C1orf21: variants seen among roughly 807,000 people sequenced by gnomAD.
C1orf21 encodes the protein chromosome 1 open reading frame 21, also known as uncharacterized protein C1orf21.
Under a neutral mutation model 18.7 loss-of-function variants are expected in C1orf21, and 3 were observed. That is an observed-to-expected ratio of 0.16 (90% CI 0.07 to 0.42). C1orf21 has a LOEUF of 0.42. Among genes scored for constraint, C1orf21 ranks in the 10% least tolerant of loss-of-function variants. The pLI, the probability that C1orf21 is intolerant of heterozygous loss-of-function variation, is 0.99. For missense variants in C1orf21, 104 were observed against 143.6 expected (o/e 0.72, Z 1.41); for synonymous variants, 41 against 46.4 (o/e 0.88, Z 0.47).
intron 5 of C1orf21, among the ~76,000 whole-genome samples, chr1:184,609,311 C>G (rs1659693907): frequency 1.4e-5 from 2 of 143,346 alleles, no homozygotes; most frequent in South Asian, 4.4e-4. Flanking sequence ...CCTCATCTAA[C>G]TCTTTCTGTA....
intron 1 of C1orf21, among the ~76,000 whole-genome samples, chr1:184,453,294 G>A (rs1014804055): frequency 6.6e-6 from 1 of 152,180 alleles, no homozygotes; most frequent in African/African-American, 2.4e-5. Flanking sequence ...GCGGTCCCAG[G>A]TAAATGCAGC....
chr1:184,548,992 A>T (rs1351205565), intron 3 of C1orf21, among the ~76,000 whole-genome samples: 1 of 152,190 alleles, frequency 6.6e-6, no homozygotes, highest in Non-Finnish European at 1.5e-5. Flanking sequence ...ATATTTTGAT[A>T]ATTATTATTT....
rs1167744307 is a variant in C1orf21, at chr1:184,625,476, C to T, written c.*5920C>T. On this transcript the variant is annotated 3_prime_UTR_variant, in exon 6 of 6. Coordinates refer to ENST00000235307, the MANE Select transcript of C1orf21 (RefSeq NM_030806.4). ...GCAAATTCATAAAATTACTCTTTTC[C>T]TGGAATAGATCCAGGCAGCTGCCTT... 6.6e-6 allele frequency: 1 copy of T among 152,588 alleles called. No individual in the cohort carries two copies. Among genetic ancestry groups the T allele is most frequent in the African/African-American group, 2.4e-5 (1 of 41,424 alleles). The allele number at this position is 152,588 out of a possible 1,614,324, so 9.5% of individuals were successfully genotyped here.
Position 184,627,781 on chromosome 1 carries a change from A to G in C1orf21, c.*8225A>G, listed in dbSNP as rs948595621. 2.6e-5 allele frequency: 4 copies of G among 152,234 alleles called. No homozygotes were observed. Among genetic ancestry groups the G allele is most frequent in the African/African-American group, 9.7e-5 (4 of 41,444 alleles). 9.4% of individuals were successfully genotyped at this position (152,234 alleles called of 1,614,324 possible). On this transcript the variant is annotated 3_prime_UTR_variant, in exon 6 of 6. Coordinates refer to ENST00000235307, the MANE Select transcript of C1orf21 (RefSeq NM_030806.4). ...CCTCATATTCACCCATTTAAAAACT[A>G]GAGCCCCTGGCAGGTCCCCTTAGGG...
intron 3 of C1orf21, among the ~76,000 whole-genome samples, chr1:184,534,578 G>A (rs12060980): frequency 2.0e-5 from 3 of 151,794 alleles, no homozygotes; most frequent in African/African-American, 7.3e-5. Context: ...TTTTATTTTA[G>A]TGATTTAAGC....
At chr1:184,443,222 G>A (rs764753781) in intron 1 of C1orf21, among the ~76,000 whole-genome samples, 1 of 152,092 alleles carries the variant, frequency 6.6e-6, no homozygotes, top group African/African-American at 2.4e-5. Flanking sequence ...TTTTATTTCT[G>A]TGGACTGTTC....
chr1:184,587,205 G>A, intron 3 of C1orf21, among the ~76,000 whole-genome samples: 1 of 148,782 alleles, frequency 6.7e-6, no homozygotes, highest in East Asian at 2.0e-4. Context: ...ATAAAGTCAG[G>A]TAGTGTGATG....
At chr1:184,444,000 T>A (rs11810399) in intron 1 of C1orf21, among the ~76,000 whole-genome samples, 45,705 of 151,758 alleles carry the variant, frequency 0.3, 9,051 homozygotes, top group African/African-American at 0.57. Context: ...ATTTCAATTA[T>A]AAGACTCTTG....
At chr1:184,596,689 G>C (rs886483080) in intron 4 of C1orf21, among the ~76,000 whole-genome samples, 1 of 152,062 alleles carries the variant, frequency 6.6e-6, no homozygotes, top group Non-Finnish European at 1.5e-5. Context: ...GGCCAACATG[G>C]TGAAACCTCA....
intron 1 of C1orf21, among the ~76,000 whole-genome samples, chr1:184,472,017 T>G (rs2101988433): frequency 6.6e-6 from 1 of 152,260 alleles, no homozygotes; most frequent in African/African-American, 2.4e-5. Flanking sequence ...TACCAAAGCT[T>G]CAAGATTAGA....
intron 5 of C1orf21, among the ~76,000 whole-genome samples, chr1:184,613,455 C>G (rs571067168): frequency 3.9e-5 from 6 of 152,310 alleles, no homozygotes; most frequent in African/African-American, 1.2e-4. Flanking sequence ...TGCCCCTCTC[C>G]TAAGTTCCAA....
At chr1:184,578,623 GT>G (rs1172483940) in intron 3 of C1orf21, among the ~76,000 whole-genome samples, 1 of 152,120 alleles carries the variant, frequency 6.6e-6, no homozygotes, top group East Asian at 1.9e-4. Context: ...CATCAATACA[GT>G]TTTTTCTATA....
chr1:184,388,686 C>A lies in C1orf21; in HGVS notation c.-125+1318C>A, dbSNP rs531239455. ...GTTTGGGGAAATGACAAGTTCATTA[C>A]ACAGACAGATGTAATGAACACCTCC... On this transcript the variant is annotated intron_variant, in intron 1 of 5. Coordinates refer to ENST00000235307, the MANE Select transcript of C1orf21 (RefSeq NM_030806.4). Among the ~76,000 whole-genome samples, 5 of 151,232 alleles carry A rather than the reference C, an allele frequency of 3.3e-5. No individual in the cohort carries two copies. The South Asian group carries it at 8.4e-4, about 25-fold the overall frequency.
intron 3 of C1orf21, among the ~76,000 whole-genome samples, chr1:184,569,909 C>G (rs1041329402): frequency 6.6e-6 from 1 of 152,134 alleles, no homozygotes; most frequent in African/African-American, 2.4e-5. Context: ...CCTACAGAAG[C>G]CAAGAATTTA....
chr1:184,438,871 G>A (rs1343393775), intron 1 of C1orf21, among the ~76,000 whole-genome samples: 4 of 152,138 alleles, frequency 2.6e-5, no homozygotes, highest in Non-Finnish European at 4.4e-5. Flanking sequence ...AAGTGTCATT[G>A]ATAACCAAAG....
At chr1:184,599,704 A>G (rs563868638) in intron 5 of C1orf21, 1 of 152,352 alleles carries the variant, frequency 6.6e-6, no homozygotes, top group South Asian at 2.1e-4. Flanking sequence ...ATATTGGTTC[A>G]AAAGCTGTTC....
chr1:184,556,806 A>G (rs561680614), intron 3 of C1orf21, among the ~76,000 whole-genome samples: 110 of 152,246 alleles, frequency 7.2e-4, no homozygotes, highest in Admixed American at 1.6e-3. Flanking sequence ...AAGGAGGGTG[A>G]CTATAATTTT....
chr1:184,429,917 G>T (rs1462985347), intron 1 of C1orf21, among the ~76,000 whole-genome samples: 1 of 151,952 alleles, frequency 6.6e-6, no homozygotes, highest in East Asian at 1.9e-4. Context: ...GACCATCCTA[G>T]CTAATATGGT....
At chr1:184,503,782 A>G (rs544862403) in intron 2 of C1orf21, among the ~76,000 whole-genome samples, 31 of 152,316 alleles carry the variant, frequency 2.0e-4, no homozygotes, top group African/African-American at 6.5e-4. Context: ...CAGATAGAAG[A>G]TCTGCCACGA....
Sources: allele counts gnomAD v4.1 joint callset (sites outside exome capture counted in the v4.1 genomes callset), GRCh38; gene constraint gnomAD v4.1.1; transcripts MANE v1.5; gene names NCBI Gene and HGNC (gene_info 2026-07-23, HGNC 2026-07-21).